The following SH3RF3 variants were observed in gnomAD, a reference collection of about 807,000 sequenced individuals.
SH3RF3 encodes SH3 domain containing ring finger 3.
SH3RF3 carries 29 observed loss-of-function variants against 66.3 expected under a neutral mutation model. That is an observed-to-expected ratio of 0.44 (90% CI 0.33 to 0.60). SH3RF3 has a LOEUF of 0.60. Ranked by LOEUF, SH3RF3 falls within the 20% of genes least tolerant of loss-of-function variation. The probability of loss-of-function intolerance (pLI) is 0.04; values close to 1 mark genes in which losing one functional copy is unlikely to be tolerated. For missense variants in SH3RF3, 1,194 were observed against 1,190.9 expected, an observed-to-expected ratio of 1.00 and a Z score of -0.04; for synonymous variants, 583 against 532.0, an observed-to-expected ratio of 1.10 and a Z score of -1.32.
rs1184949742 is a variant in SH3RF3, at chr2:109,490,888, T to C, written c.2432T>C (p.Leu811Pro). ...NFTSPSRQAP[L>P]SMAAIRPEPK... ...ACATCTCCTTCCCGGCAAGCTCCGC[T>C]GTCCATGGCTGCCATCCGCCCCGAG... Residue 811 changes from leucine (L) to proline (P), a missense_variant, in exon 9 of 10, where the codon CTG becomes CCG. By Grantham distance (98) the Leu-to-Pro change is moderately conservative. Coordinates refer to ENST00000309415, the MANE Select transcript of SH3RF3 (RefSeq NM_001099289.3). The C allele has an allele frequency of 1.4e-5, 21 of 1,527,444 alleles. No homozygotes were observed. The Admixed American group carries it at 3.8e-4, about 27-fold the overall frequency. 94.6% of individuals were successfully genotyped at this position (1,527,444 alleles called of 1,614,324 possible).
chr2:109,473,277 G>T (rs1559102284), intron 8 of SH3RF3, among the ~76,000 whole-genome samples: 1 of 152,236 alleles, frequency 6.6e-6, no homozygotes, highest in African/African-American at 2.4e-5. Flanking sequence ...TGGAGCTGGG[G>T]TTGGGCCCTG....
At chr2:109,206,446 G>T (rs537888427) in intron 1 of SH3RF3, among the ~76,000 whole-genome samples, 1 of 139,036 alleles carries the variant, frequency 7.2e-6, no homozygotes, top group African/African-American at 2.7e-5. Context: ...AACCAACATC[G>T]TGCCACCGCA....
At chr2:109,289,764 T>C (rs1681119375) in intron 1 of SH3RF3, among the ~76,000 whole-genome samples, 1 of 152,196 alleles carries the variant, frequency 6.6e-6, no homozygotes, top group Non-Finnish European at 1.5e-5. Flanking sequence ...AAATACACTT[T>C]TTTTTTTAAG....
intron 1 of SH3RF3, among the ~76,000 whole-genome samples, chr2:109,173,344 T>C (rs1272206630): frequency 2.6e-5 from 4 of 152,278 alleles, no homozygotes; most frequent in Admixed American, 1.3e-4. Context: ...CTGCCCGTTA[T>C]CAACCGAGCC....
In SH3RF3 at chr2:109,348,444, C is replaced by A. The variant is rs141846812; in HGVS notation, c.849+495C>A. ...CTCTAGGGCACCTGAGGCAGGGCCACCCTGGTGCGTAGGGATCCCTGTGAA... is the reference window on the plus strand; with the variant it reads ...CTCTAGGGCACCTGAGGCAGGGCCAACCTGGTGCGTAGGGATCCCTGTGAA... On this transcript the variant is annotated intron_variant, in intron 2 of 9. Transcript: ENST00000309415. Among the ~76,000 whole-genome samples, 1,186 of 152,296 alleles carry A rather than the reference C, an allele frequency of 7.8e-3. 10 individuals carry two copies. Among genetic ancestry groups the A allele is most frequent in the African/African-American group, 0.027 (1,133 of 41,556 alleles).
intron 8 of SH3RF3, among the ~76,000 whole-genome samples, chr2:109,470,398 C>T (rs779946803): frequency 8.5e-5 from 13 of 152,192 alleles, no homozygotes; most frequent in Non-Finnish European, 1.5e-4. Flanking sequence ...CCTGGAAGCG[C>T]CTTGTCAATC....
rs186916480 is a variant in SH3RF3 at position 109,284,907 on chromosome 2, G to A, written c.574-62767G>A. 1.6e-3 allele frequency among the ~76,000 whole-genome samples: 242 copies of A among 152,330 alleles called. 3 individuals carry two copies. Among genetic ancestry groups the A allele is most frequent in the African/African-American group, 1.1e-3 (46 of 41,564 alleles). On this transcript the variant is annotated intron_variant, in intron 1 of 9. Transcript: ENST00000309415. ...ACTTTAAAAAATCCACACTGGGCTC[G>A]TCTGCTTCCCTGATGACAGAGTTTG...
At chr2:109,159,758 A>G (rs567710696) in intron 1 of SH3RF3, among the ~76,000 whole-genome samples, 1 of 152,214 alleles carries the variant, frequency 6.6e-6, no homozygotes, top group African/African-American at 2.4e-5. Context: ...TTCTCACAGG[A>G]GCACAAACCT....
At chr2:109,230,800 T>G (rs1679488952) in intron 1 of SH3RF3, among the ~76,000 whole-genome samples, 1 of 152,246 alleles carries the variant, frequency 6.6e-6, no homozygotes, top group Admixed American at 6.5e-5. Flanking sequence ...CTGGAGCATC[T>G]GTGTTTGTTT....
chr2:109,437,339 G>A (rs7573886), intron 7 of SH3RF3, among the ~76,000 whole-genome samples, 193 bp downstream of exon 7: 1,581 of 151,902 alleles, frequency 0.01, 33 homozygotes, highest in African/African-American at 0.036. Context: ...TTATGGGGTG[G>A]GCCTTAAAGG....
intron 1 of SH3RF3, among the ~76,000 whole-genome samples, chr2:109,346,709 T>C (rs1307550034): frequency 6.6e-6 from 1 of 152,102 alleles, no homozygotes; most frequent in Non-Finnish European, 1.5e-5. Context: ...AGGCTCCTTA[T>C]TGCTGACAAG....
intron 1 of SH3RF3, among the ~76,000 whole-genome samples, chr2:109,230,924 C>G (rs1037088727): frequency 1.3e-5 from 2 of 152,214 alleles, no homozygotes; most frequent in African/African-American, 4.8e-5. Flanking sequence ...AGGGACAGCT[C>G]AAACAGGAAG....
At chr2:109,287,241 C>T (rs768682677) in intron 1 of SH3RF3, among the ~76,000 whole-genome samples, 14 of 152,156 alleles carry the variant, frequency 9.2e-5, no homozygotes, top group African/African-American at 2.9e-4. Flanking sequence ...TCGGGTCTAG[C>T]GAATGGCCCC....
intron 3 of SH3RF3, among the ~76,000 whole-genome samples, chr2:109,375,622 T>C (rs1359572823): frequency 6.6e-6 from 1 of 152,202 alleles, no homozygotes; most frequent in Non-Finnish European, 1.5e-5. Flanking sequence ...GAGGAATTCC[T>C]CCTCCCCAGT....
intron 2 of SH3RF3, among the ~76,000 whole-genome samples, chr2:109,370,241 T>C (rs4676280): frequency 3.9e-5 from 5 of 127,760 alleles, no homozygotes; most frequent in East Asian, 3.8e-4. Flanking sequence ...CTCTCTCTCT[T>C]TTTCTTTTTT....
chr2:109,434,233 C>T (rs909377243), intron 6 of SH3RF3, among the ~76,000 whole-genome samples: 7 of 152,332 alleles, frequency 4.6e-5, no homozygotes, highest in Non-Finnish European at 7.4e-5. Context: ...CCTCTGGGCT[C>T]GCCCGCCCTG....
intron 1 of SH3RF3, among the ~76,000 whole-genome samples, chr2:109,281,038 C>G (rs1680877387): frequency 6.6e-6 from 1 of 152,150 alleles, no homozygotes; most frequent in African/African-American, 2.4e-5. Flanking sequence ...CCATGCTGTC[C>G]CCAGAGCCGA....
rs1164239539 is a variant in SH3RF3, at chr2:109,129,920, C to G, written c.380C>G (p.Ala127Gly). 8.0e-6 allele frequency: 12 copies of G among 1,499,452 alleles called. No homozygotes were observed. In the African/African-American group the frequency reaches 8.7e-5, roughly 11 times the overall value. 92.9% of individuals were successfully genotyped at this position (1,499,452 alleles called of 1,614,324 possible). Residue 127 changes from alanine (A) to glycine (G), a missense_variant, in exon 1 of 10, where the codon GCG (alanine) becomes GGG (glycine). By Grantham distance (60) the Ala-to-Gly change is moderately conservative. Transcript: ENST00000309415. ...GACGGCATCCGTCAGCGGCCCCGCG[C>G]GGGCACCAGCCCCGGCGGCAGCCCG... ...LLDGIRQRPRAGTSPGGSPPA... is the reference protein window; with the variant it reads ...LLDGIRQRPRGGTSPGGSPPA...
intron 1 of SH3RF3, among the ~76,000 whole-genome samples, chr2:109,244,019 G>A (rs1170382547): frequency 2.0e-5 from 3 of 152,212 alleles, no homozygotes; most frequent in Non-Finnish European, 4.4e-5. Context: ...GCCATCAGCA[G>A]TGATCATTAA....
Sources: gnomAD v4.1 joint callset for allele counts (sites outside exome capture counted in the v4.1 genomes callset) on GRCh38, gnomAD v4.1.1 for gene constraint, MANE v1.5 for transcripts, NCBI Gene and HGNC (gene_info 2026-07-23, HGNC 2026-07-21) for gene names.